Variants in OR4N2 observed in about 807,000 individuals in gnomAD.
The protein encoded by OR4N2 is olfactory receptor 4N2.
For missense variants in OR4N2, 307 were observed against 377.6 expected (o/e 0.81, Z 1.55); for synonymous variants, 141 against 140.4 (o/e 1.00, Z -0.03).
chr14:19,804,291 G>A (rs1879111185), intron 1 of OR4N2, among the ~76,000 whole-genome samples: 2 of 151,798 alleles, frequency 1.3e-5, no homozygotes, highest in Admixed American at 1.3e-4. Context: ...TGTGATGTTA[G>A]GATGTTAATT....
At chr14:19,818,366 T>C (rs1441981313) in intron 1 of OR4N2, among the ~76,000 whole-genome samples, 1 of 152,236 alleles carries the variant, frequency 6.6e-6, no homozygotes, top group Non-Finnish European at 1.5e-5. Flanking sequence ...TGAGTGCTCC[T>C]GTATTAGGTG....
chr14:19,819,761 G>T (rs1420008382), intron 1 of OR4N2, among the ~76,000 whole-genome samples: 4 of 152,256 alleles, frequency 2.6e-5, no homozygotes, highest in Admixed American at 6.5e-5. Context: ...TGGAGAAGAG[G>T]TGTTCTGGTT....
chr14:19,822,083 G>T (rs1879581200), intron 1 of OR4N2: 1 of 152,248 alleles, frequency 6.6e-6, no homozygotes, highest in South Asian at 2.1e-4. Flanking sequence ...ATCTTAGATT[G>T]CAGTTGAATA....
chr14:19,805,761 G>A (rs1203087784), intron 1 of OR4N2, among the ~76,000 whole-genome samples: 1 of 152,146 alleles, frequency 6.6e-6, no homozygotes, highest in African/African-American at 2.4e-5. Context: ...TATCGTACGA[G>A]ATGTACAAGG....
intron 1 of OR4N2, among the ~76,000 whole-genome samples, chr14:19,823,999 C>T (rs1879630775): frequency 6.6e-6 from 1 of 152,176 alleles, no homozygotes; most frequent in South Asian, 2.1e-4. Context: ...TGTGGTGAAC[C>T]CTTCTCCTTC....
At chr14:19,806,278 G>T (rs961033724) in intron 1 of OR4N2, among the ~76,000 whole-genome samples, 1 of 152,130 alleles carries the variant, frequency 6.6e-6, no homozygotes, top group East Asian at 1.9e-4. Context: ...GGCATAGAGT[G>T]GTAAGTTGGA....
chr14:19,827,937 C>G lies in OR4N2; in HGVS notation c.489C>G (p.Ile163Met). The G allele has an allele frequency of 1.2e-6, 2 of 1,614,212 alleles. No individual in the cohort carries two copies. Among genetic ancestry groups the G allele is most frequent in the Non-Finnish European group, 8.5e-7 (1 of 1,180,044 alleles). Reference sequence around the variant, plus strand: ...ACTCCATTATCCAGGTGGTCCTCATCCTCCGCTTGCCTTTTTGTGGCCCAA... The same window carrying G: ...ACTCCATTATCCAGGTGGTCCTCATGCTCCGCTTGCCTTTTTGTGGCCCAA... ...FVHSIIQVVL[I>M]LRLPFCGPNQ... The change falls in exon 2 of 2, where the codon ATC becomes ATG. Residue 163 changes from isoleucine (I) to methionine (M), a missense_variant. Transcript: ENST00000557677.
rs1383456005 is a variant in OR4N2, at chr14:19,827,706, C to G, written c.258C>G (p.Leu86=). 2 of 1,614,260 alleles carry G rather than the reference C, an allele frequency of 1.2e-6. No homozygotes were observed. Among genetic ancestry groups the G allele is most frequent in the Admixed American group, 1.7e-5 (1 of 60,034 alleles). Residue 86 remains leucine (L), a synonymous_variant, in exon 2 of 2, where the codon CTC becomes CTG. Coordinates refer to ENST00000557677, the MANE Select transcript of OR4N2 (RefSeq NM_001004723.3). ...CTCCCCGGATGTTGGTGGACTTCCT[C>G]TCTGCGAAGAAGATAATCTCCTACA... ...IVAPRMLVDF[L]SAKKIISYRG...
chr14:19,823,506 C>G (rs1357009016), intron 1 of OR4N2, among the ~76,000 whole-genome samples: 1 of 152,226 alleles, frequency 6.6e-6, no homozygotes, highest in African/African-American at 2.4e-5. Flanking sequence ...ACATTTCTCA[C>G]TCTTGTTGGG....
Position 19,827,482 on chromosome 14 carries a change from T to C in OR4N2, c.34T>C (p.Phe12Leu), listed in dbSNP as rs774694529. 27 of 1,607,342 alleles carry C rather than the reference T, an allele frequency of 1.7e-5. No individual in the cohort carries two copies. Among genetic ancestry groups the C allele is most frequent in the East Asian group, 1.3e-4 (6 of 44,896 alleles). The part of the protein sequence containing the change: ...ESENRTVIRE[F>L]ILLGLTQSQD... ...CGAGAACAGAACAGTGATAAGAGAA[T>C]TCATCCTCCTTGGTCTGACCCAGTC... is the stretch of plus-strand genomic sequence containing the variant. The change falls in exon 2 of 2, where the codon TTC (phenylalanine) becomes CTC (leucine). Residue 12 changes from phenylalanine to leucine, a missense_variant. Coordinates refer to ENST00000557677, the MANE Select transcript of OR4N2 (RefSeq NM_001004723.3).
intron 1 of OR4N2, among the ~76,000 whole-genome samples, chr14:19,821,000 C>T (rs1245739158): frequency 2.0e-5 from 3 of 152,258 alleles, no homozygotes; most frequent in Admixed American, 2.0e-4. Flanking sequence ...CTGCATCTAC[C>T]TCAGTGTCTG....
At chr14:19,817,654 A>AT (rs1335968062) in intron 1 of OR4N2, among the ~76,000 whole-genome samples, 7 of 152,158 alleles carry the variant, frequency 4.6e-5, no homozygotes, top group Admixed American at 2.0e-4. Context: ...GGATTCACTG[A>AT]TTTTTTGAAG....
chr14:19,822,009 A>G (rs1034816910), intron 1 of OR4N2: 3 of 152,296 alleles, frequency 2.0e-5, no homozygotes, highest in Non-Finnish European at 2.9e-5. Flanking sequence ...TCATATATAT[A>G]CAAGAAACAA....
chr14:19,810,884 A>C (rs1384899838), intron 1 of OR4N2, among the ~76,000 whole-genome samples: 8 of 152,244 alleles, frequency 5.3e-5, no homozygotes, highest in Non-Finnish European at 1.0e-4. Flanking sequence ...TGAAGGGATA[A>C]TAAGGGAATA....
chr14:19,822,840 T>C (rs1038582918), intron 1 of OR4N2, among the ~76,000 whole-genome samples: 1 of 152,262 alleles, frequency 6.6e-6, no homozygotes, highest in African/African-American at 2.4e-5. Flanking sequence ...TTAAACTATT[T>C]GGTAGATGAC....
At position 19,828,060 on chromosome 14, in the gene OR4N2, C is replaced by T. The variant is rs781326367; in HGVS notation, c.612C>T (p.Gly204=). 2 of 1,614,220 alleles carry T rather than the reference C, an allele frequency of 1.2e-6. No individual in the cohort carries two copies. Among genetic ancestry groups the T allele is most frequent in the South Asian group, 1.1e-5 (1 of 91,084 alleles). The change falls in exon 2 of 2, where the codon GGC becomes GGT. Residue 204 remains glycine, a synonymous_variant. Transcript: ENST00000557677. ...AGCTTCTGATGGTCTTCAACAGTGG[C>T]CTGATGACACTCCTGTGCTTTCTGG... ...VVELLMVFNS[G]LMTLLCFLGL...
Position 19,827,730 on chromosome 14 carries a change from C to G in OR4N2, c.282C>G (p.Tyr94Ter). The G allele has an allele frequency of 6.2e-7, 1 of 1,613,914 alleles. No homozygotes were observed. The highest frequency in any genetic ancestry group is 1.1e-5 in the South Asian group (1 of 91,088). ...DFLSAKKIIS[Y>*]RGCITQLFFL... ...TCTCTGCGAAGAAGATAATCTCCTA[C>G]AGAGGCTGCATCACTCAGCTCTTTT... is the stretch of plus-strand genomic sequence containing the variant. The change falls in exon 2 of 2, where the codon TAC (tyrosine) becomes TAG (stop). Residue 94 changes from tyrosine (Y) to a stop codon, truncating the protein, a stop_gained. Transcript: ENST00000557677. LOFTEE classifies it low-confidence loss of function (END_TRUNC).
chr14:19,818,905 T>C lies in OR4N2; in HGVS notation c.-9-8535T>C, dbSNP rs533350187. ...TGACAAAAATCTGTTAGTATTTTCT[T>C]ATCTGTAAAGGATTTTCTTTCTCCT... On this transcript the variant is annotated intron_variant, in intron 1 of 1. Coordinates refer to ENST00000557677, the MANE Select transcript of OR4N2 (RefSeq NM_001004723.3). 8.5e-5 allele frequency among the ~76,000 whole-genome samples: 13 copies of C among 152,382 alleles called. No individual in the cohort carries two copies. The South Asian group carries it at 2.5e-3, about 29-fold the overall frequency.
intron 1 of OR4N2, among the ~76,000 whole-genome samples, chr14:19,812,148 A>C (rs1309026950): frequency 6.6e-6 from 1 of 152,220 alleles, no homozygotes; most frequent in Admixed American, 6.5e-5. Context: ...TTAACTCTGA[A>C]AAACGAAACA....
Sources: gnomAD v4.1 joint callset for allele counts (sites outside exome capture counted in the v4.1 genomes callset) on GRCh38, gnomAD v4.1.1 for gene constraint, MANE v1.5 for transcripts, NCBI Gene and HGNC (gene_info 2026-07-23, HGNC 2026-07-21) for gene names.